Variants in CCDC141 observed in about 807,000 individuals in gnomAD.
The protein encoded by CCDC141 is coiled-coil domain-containing protein 141.
A neutral mutation model predicts 181.0 loss-of-function variants in CCDC141; 168 were observed. That is an observed-to-expected ratio of 0.93 (90% CI 0.82 to 1.05). The LOEUF is 1.05. Ranked by LOEUF, CCDC141 falls within the 50% of genes least tolerant of loss-of-function variation. The probability of loss-of-function intolerance (pLI) is 0.00; values close to 1 mark genes in which losing one functional copy is unlikely to be tolerated. For synonymous variants in CCDC141, 666 were observed against 642.3 expected, an observed-to-expected ratio of 1.04 and a Z score of -0.56; for missense variants, 1,902 against 1,788.5, an observed-to-expected ratio of 1.06 and a Z score of -1.14.
At chr2:178,834,515 C>A in intron 23 of CCDC141, 75 bp from the exon 24 acceptor site, 1 of 1,445,540 alleles carries the variant, frequency 6.9e-7, no homozygotes, top group Admixed American at 2.0e-5. Flanking sequence ...ATAATGCTTG[C>A]AAATAGGCCC....
intron 2 of CCDC141, among the ~76,000 whole-genome samples, chr2:178,984,396 A>T (rs1430482206): frequency 1.3e-5 from 2 of 152,050 alleles, no homozygotes; most frequent in Admixed American, 1.3e-4. Context: ...ACTAGGAAGA[A>T]ACTGCATCAA....
chr2:178,834,084 G>C lies in CCDC141; in HGVS notation c.*89C>G. ...ATCAGACTGGAGATACACTTGGTGG[G>C]AGATGCTTTGCAGGAGGTGCAGGAA... is the stretch of plus-strand genomic sequence containing the variant. On this transcript the variant is annotated 3_prime_UTR_variant, in exon 24 of 24. Transcript: ENST00000443758. 1 of 1,291,940 alleles carries C rather than the reference G, an allele frequency of 7.7e-7. No individual in the cohort carries two copies. The highest frequency in any genetic ancestry group is 1.1e-6 in the Non-Finnish European group (1 of 939,848). The allele number at this position is 1,291,940 out of a possible 1,614,324, so 80.0% of individuals were successfully genotyped here.
chr2:178,818,009 G>T, the CCDC141 span, among the ~76,000 whole-genome samples: 29 of 152,110 alleles, frequency 1.9e-4, 1 homozygote, highest in East Asian at 5.6e-3. Context: ...CACTATGTTG[G>T]CCAGGCTGGT....
At chr2:178,840,373 C>T (rs965743395) in intron 22 of CCDC141, among the ~76,000 whole-genome samples, 1 of 152,186 alleles carries the variant, frequency 6.6e-6, no homozygotes. Context: ...TATGACTCTC[C>T]ACAGAAGAAT....
intron 2 of CCDC141, among the ~76,000 whole-genome samples, chr2:178,982,328 A>T (rs559523251): frequency 1.1e-4 from 16 of 152,338 alleles, no homozygotes; most frequent in African/African-American, 3.6e-4. Context: ...CAATCTAAAA[A>T]GGAAATCAAG....
intron 2 of CCDC141, among the ~76,000 whole-genome samples, chr2:179,024,772 G>T (rs1292005412): frequency 1.3e-5 from 2 of 152,066 alleles, no homozygotes; most frequent in African/African-American, 4.8e-5. Context: ...GAATATTTTT[G>T]CCTCTAACTT....
At chr2:178,893,856 T>C (rs1687281134) in intron 8 of CCDC141, among the ~76,000 whole-genome samples, 1 of 151,716 alleles carries the variant, frequency 6.6e-6, no homozygotes, top group African/African-American at 2.4e-5. Flanking sequence ...CACAATGTTT[T>C]ATGTATAGAT....
chr2:178,999,183 T>A (rs1350129726), intron 2 of CCDC141, among the ~76,000 whole-genome samples: 1 of 152,110 alleles, frequency 6.6e-6, no homozygotes, highest in Non-Finnish European at 1.5e-5. Context: ...ATTCAAACCA[T>A]CTACAAATAG....
chr2:178,998,148 T>C (rs1056336207), intron 2 of CCDC141, among the ~76,000 whole-genome samples: 10 of 152,206 alleles, frequency 6.6e-5, no homozygotes, highest in African/African-American at 2.4e-4. Context: ...ATTTATACAG[T>C]ATTCTACAGC....
Position 178,881,907 on chromosome 2 carries a change from TCTCTCTCTCA to T in CCDC141, c.1719+2984_1719+2993del, listed in dbSNP as rs1211656203. Among the ~76,000 whole-genome samples, 54 of 106,112 alleles carry T rather than the reference TCTCTCTCTCA, an allele frequency of 5.1e-4. 1 individual carries two copies. The highest frequency in any genetic ancestry group is 1.7e-3 in the African/African-American group (47 of 27,174). The allele number at this position is 106,112 out of a possible 152,430, so 69.6% of individuals were successfully genotyped here. On this transcript the variant is annotated intron_variant, in intron 11 of 23. Coordinates refer to ENST00000443758, the MANE Select transcript of CCDC141 (RefSeq NM_173648.4). ...GAGACCCTGTCTCTCTCTCTCTCTC[TCTCTCTCTCA>T]CACACACACACACACACACACACAC... is the stretch of plus-strand genomic sequence containing the variant.
chr2:178,977,998 G>A (rs1385005850), intron 3 of CCDC141, among the ~76,000 whole-genome samples: 1 of 152,116 alleles, frequency 6.6e-6, no homozygotes, highest in African/African-American at 2.4e-5. Context: ...TACGCCTTAG[G>A]AAAGTACTTA....
rs535961311 is a variant in CCDC141 at position 178,945,307 on chromosome 2, G to C, written c.781-656C>G. Among the ~76,000 whole-genome samples the C allele has an allele frequency of 6.6e-5, 10 of 152,236 alleles. No individual in the cohort carries two copies. The South Asian group carries it at 2.1e-3, about 32-fold the overall frequency. ...CCTTATCTCAATTAAAGGAGACTTA[G>C]ATTTTTACACTCGAATCCTGTATAG... On this transcript the variant is annotated intron_variant, in intron 5 of 23. Transcript: ENST00000443758.
Position 178,978,565 on chromosome 2 carries a change from T to C in CCDC141, c.336A>G (p.Ala112=). ...CAAGCATGGACACCAGAGCTGCCCA[T>C]GCTTCACCCAGAGTCTCGGCCATGG... ...YDAMAETLGE[A]WAALVSMLER... The change falls in exon 3 of 24, where the codon GCA becomes GCG. Residue 112 remains alanine (A), a synonymous_variant. Transcript: ENST00000443758. 2 of 1,550,084 alleles carry C rather than the reference T, an allele frequency of 1.3e-6. No homozygotes were observed. The highest frequency in any genetic ancestry group is 1.4e-5 in the African/African-American group (1 of 73,122).
In CCDC141 at chr2:178,872,300, C is replaced by T. The variant is rs1162299694; in HGVS notation, c.1912G>A (p.Glu638Lys). The change falls in exon 13 of 24, where the codon GAG becomes AAG. Residue 638 changes from glutamate (E) to lysine (K), a missense_variant. Coordinates refer to ENST00000443758, the MANE Select transcript of CCDC141 (RefSeq NM_173648.4). Reference protein sequence around the residue: ...LNLINMAKENEILDVKNEVYL... With the variant: ...LNLINMAKENKILDVKNEVYL... ...ACTTCATTTTTCACATCTAATATCT[C>T]GTTCTCTTTTGCCTGTTAAATTAAT... 2 of 1,610,638 alleles carry T rather than the reference C, an allele frequency of 1.2e-6. No homozygotes were observed. The highest frequency in any genetic ancestry group is 2.2e-5 in the East Asian group (1 of 44,788).
At chr2:178,920,130 G>A (rs908626879) in intron 6 of CCDC141, among the ~76,000 whole-genome samples, 3 of 152,174 alleles carry the variant, frequency 2.0e-5, no homozygotes, top group Non-Finnish European at 4.4e-5. Flanking sequence ...TGTCTTGTTA[G>A]TGAATCTTCT....
chr2:178,867,672 T>C (rs1431005507), intron 16 of CCDC141, among the ~76,000 whole-genome samples: 1 of 152,196 alleles, frequency 6.6e-6, no homozygotes, highest in Admixed American at 6.5e-5. Flanking sequence ...AATTTATATT[T>C]AAATTAATGC....
chr2:178,926,838 A>G (rs1688925048), intron 6 of CCDC141, among the ~76,000 whole-genome samples: 1 of 152,224 alleles, frequency 6.6e-6, no homozygotes, highest in East Asian at 1.9e-4. Flanking sequence ...TGGATTTGTA[A>G]TTAGCCCAAT....
chr2:178,968,020 G>A (rs939409733), intron 4 of CCDC141, among the ~76,000 whole-genome samples: 1 of 152,112 alleles, frequency 6.6e-6, no homozygotes, highest in Non-Finnish European at 1.5e-5. Context: ...AGGGACCAAT[G>A]CAGCAAGAAG....
chr2:178,882,300 T>G (rs1418256492), intron 11 of CCDC141, among the ~76,000 whole-genome samples: 1 of 152,012 alleles, frequency 6.6e-6, no homozygotes, highest in Non-Finnish European at 1.5e-5. Flanking sequence ...ACCTGGAAGG[T>G]AGAGGTTGCA....
Sources: allele counts gnomAD v4.1 joint callset (sites outside exome capture counted in the v4.1 genomes callset), GRCh38; gene constraint gnomAD v4.1.1; transcripts MANE v1.5; gene names NCBI Gene and HGNC (gene_info 2026-07-23, HGNC 2026-07-21).